Variants in FNBP1L observed in about 807,000 individuals in gnomAD.
The protein encoded by FNBP1L is formin-binding protein 1-like.
FNBP1L carries 36 observed loss-of-function variants against 91.2 expected under a neutral mutation model. The ratio of observed to expected loss-of-function variants is 0.39; its 90% CI spans 0.30 to 0.52. The LOEUF is 0.52. Ranked by LOEUF, FNBP1L falls within the 20% of genes least tolerant of loss-of-function variation. The pLI is 0.66. For missense variants in FNBP1L, 571 were observed against 732.1 expected (o/e 0.78, Z 2.54); for synonymous variants, 242 against 237.0 (o/e 1.02, Z -0.19).
chr1:93,502,199 C>G (rs1457549161), intron 2 of FNBP1L, among the ~76,000 whole-genome samples: 1 of 151,998 alleles, frequency 6.6e-6, no homozygotes, highest in East Asian at 1.9e-4. Flanking sequence ...GAAGAGTACA[C>G]CCAGATTATG....
intron 2 of FNBP1L, among the ~76,000 whole-genome samples, chr1:93,517,856 AG>A (rs570844099): frequency 8.0e-4 from 122 of 152,266 alleles, no homozygotes; most frequent in Admixed American, 1.8e-3. Context: ...ATCAGATTTG[AG>A]GAAGGTTTTG....
At chr1:93,469,085 C>CT (rs1004542709) in intron 1 of FNBP1L, among the ~76,000 whole-genome samples, 7 of 149,372 alleles carry the variant, frequency 4.7e-5, no homozygotes, top group African/African-American at 9.8e-5. Context: ...CCTCAGTTAA[C>CT]TTTTTTTTTT....
chr1:93,462,972 T>A (rs1668924771), intron 1 of FNBP1L, among the ~76,000 whole-genome samples: 1 of 152,224 alleles, frequency 6.6e-6, no homozygotes, highest in South Asian at 2.1e-4. Context: ...TCTTTTCTCC[T>A]CCATCTATTT....
intron 1 of FNBP1L, 29 bp downstream of exon 1, chr1:93,448,334 G>A (rs775008377): frequency 8.0e-6 from 12 of 1,496,776 alleles, no homozygotes; most frequent in South Asian, 2.6e-5. Context: ...CGCCCCGCAC[G>A]GACCCCGGCC....
chr1:93,476,119 C>T (rs1669485828), intron 1 of FNBP1L, among the ~76,000 whole-genome samples: 2 of 152,054 alleles, frequency 1.3e-5, no homozygotes, highest in African/African-American at 4.8e-5. Flanking sequence ...TATGTTAGTG[C>T]ATTAAAACAT....
At chr1:93,482,842 A>G (rs1669757672) in intron 1 of FNBP1L, among the ~76,000 whole-genome samples, 1 of 151,770 alleles carries the variant, frequency 6.6e-6, no homozygotes, top group Non-Finnish European at 1.5e-5. Flanking sequence ...ACACGGTGAA[A>G]CCCCGTCTCT....
chr1:93,546,455 G>A (rs1246220408), intron 12 of FNBP1L, among the ~76,000 whole-genome samples: 2 of 152,118 alleles, frequency 1.3e-5, no homozygotes, highest in Non-Finnish European at 2.9e-5. Context: ...TGATGTATGA[G>A]CTAAGGAACA....
chr1:93,467,699 C>G (rs570589601), intron 1 of FNBP1L, among the ~76,000 whole-genome samples: 1 of 152,154 alleles, frequency 6.6e-6, no homozygotes, highest in Admixed American at 6.5e-5. Context: ...CATTTGAGGC[C>G]CGGAGTTTGA....
At chr1:93,468,494 A>G (rs1014398748) in intron 1 of FNBP1L, among the ~76,000 whole-genome samples, 2 of 152,204 alleles carry the variant, frequency 1.3e-5, no homozygotes, top group Non-Finnish European at 2.9e-5. Flanking sequence ...GCAGTGGCAC[A>G]GTCTTGGCTC....
At chr1:93,525,203 C>T (rs1671456154) in intron 5 of FNBP1L, among the ~76,000 whole-genome samples, 1 of 151,974 alleles carries the variant, frequency 6.6e-6, no homozygotes, top group African/African-American at 2.4e-5. Context: ...GAAAATTATG[C>T]CGAAGGGAGT....
At chr1:93,505,313 C>T (rs572230284) in intron 2 of FNBP1L, among the ~76,000 whole-genome samples, 4 of 152,130 alleles carry the variant, frequency 2.6e-5, no homozygotes, top group South Asian at 4.2e-4. Context: ...AGGGTACACT[C>T]GTGCCACAAG....
intron 2 of FNBP1L, among the ~76,000 whole-genome samples, chr1:93,517,924 C>T (rs1045136364): frequency 5.3e-5 from 8 of 152,146 alleles, no homozygotes; most frequent in African/African-American, 1.9e-4. Flanking sequence ...TGTCTGAGTC[C>T]TGTAAAGTCA....
At chr1:93,531,978 G>T (rs538775272) in intron 7 of FNBP1L, among the ~76,000 whole-genome samples, 1 of 152,294 alleles carries the variant, frequency 6.6e-6, no homozygotes, top group South Asian at 2.1e-4. Context: ...TTTCCTAGTG[G>T]CATGTGCCAG....
chr1:93,534,167 C>T (rs1173277047), intron 8 of FNBP1L, among the ~76,000 whole-genome samples: 1 of 152,102 alleles, frequency 6.6e-6, no homozygotes, highest in Admixed American at 6.6e-5. Context: ...TTCCCTGTTG[C>T]TCTGTTAACA....
chr1:93,489,132 C>G (rs1050902529), intron 1 of FNBP1L, among the ~76,000 whole-genome samples: 2 of 152,070 alleles, frequency 1.3e-5, no homozygotes, highest in Non-Finnish European at 2.9e-5. Context: ...TCTTCAGCAG[C>G]ATGAGGAAGG....
intron 1 of FNBP1L, among the ~76,000 whole-genome samples, chr1:93,471,152 T>G (rs1292722210): frequency 6.6e-6 from 1 of 152,200 alleles, no homozygotes; most frequent in African/African-American, 2.4e-5. Context: ...ATATTTTGGA[T>G]TATTTTTGGA....
chr1:93,470,606 C>T (rs1055050282), intron 1 of FNBP1L, among the ~76,000 whole-genome samples: 6 of 151,944 alleles, frequency 3.9e-5, no homozygotes, highest in African/African-American at 1.5e-4. Flanking sequence ...GGCACGGTGG[C>T]TCAGACCTGT....
Position 93,541,050 on chromosome 1 carries a change from G to A in FNBP1L, c.1158G>A (p.Val386=), listed in dbSNP as rs1672027874. The change falls in exon 11 of 17, where the codon GTG becomes GTA. Residue 386 remains valine (V), a synonymous_variant. Transcript: ENST00000271234. ...TCCATTGAACTATTCAGTGGTCGGT[G>A]AAGATGGTAAGCCTTATGTGCTGAT... is the stretch of plus-strand genomic sequence containing the variant. The part of the protein sequence containing the change: ...SFRSLKRGWS[V]KMGPALEDFS... 6.5e-7 allele frequency: 1 copy of A among 1,536,288 alleles called. No homozygotes were observed. The highest frequency in any genetic ancestry group is 1.4e-5 in the African/African-American group (1 of 73,026).
intron 1 of FNBP1L, 97 bp from the exon 2 acceptor site, chr1:93,499,371 C>A (rs2101724864): frequency 1.3e-6 from 1 of 769,514 alleles, no homozygotes; most frequent in East Asian, 2.7e-5. Context: ...TCCTTTTATA[C>A]CTCATTGCTT....
Sources: gnomAD v4.1 joint callset for allele counts (sites outside exome capture counted in the v4.1 genomes callset) on GRCh38, gnomAD v4.1.1 for gene constraint, MANE v1.5 for transcripts, NCBI Gene and HGNC (gene_info 2026-07-23, HGNC 2026-07-21) for gene names.